The following LRRIQ3 variants were observed in gnomAD, a reference collection of about 807,000 sequenced individuals.
LRRIQ3 encodes leucine-rich repeat and IQ domain-containing protein 3.
A neutral mutation model predicts 59.3 loss-of-function variants in LRRIQ3; 75 were observed. The observed-to-expected ratio is 1.26, with a 90% CI of 1.05 to 1.53. The LOEUF (loss-of-function observed/expected upper bound fraction) is 1.53. Among genes scored for constraint, LRRIQ3 ranks in the 40% most tolerant of loss-of-function variants. The pLI is 0.00. For synonymous variants in LRRIQ3, 250 were observed against 231.3 expected (o/e 1.08, Z -0.73); for missense variants, 831 against 710.0 (o/e 1.17, Z -1.94).
At chr1:74,147,388 C>T (rs771000150) in intron 4 of LRRIQ3, among the ~76,000 whole-genome samples, 4 of 152,056 alleles carry the variant, frequency 2.6e-5, no homozygotes, top group Non-Finnish European at 5.9e-5. Flanking sequence ...TTTGGTCAAC[C>T]ATGAAAGATT....
chr1:74,197,098 T>C (rs1039035852), intron 1 of LRRIQ3, among the ~76,000 whole-genome samples: 13 of 152,222 alleles, frequency 8.5e-5, no homozygotes, highest in Admixed American at 7.2e-4. Context: ...TTTTAATTAA[T>C]GAAGTTTTAA....
intron 6 of LRRIQ3, among the ~76,000 whole-genome samples, chr1:74,054,864 C>T (rs1296128990): frequency 6.9e-6 from 1 of 145,374 alleles, no homozygotes; most frequent in Non-Finnish European, 1.5e-5. Context: ...TATTGATGTG[C>T]AATTATAAAT....
At chr1:74,048,883 T>C (rs942239039) in intron 6 of LRRIQ3, among the ~76,000 whole-genome samples, 3 of 152,114 alleles carry the variant, frequency 2.0e-5, no homozygotes, top group Non-Finnish European at 4.4e-5. Context: ...AAATGCACTA[T>C]CCCAGGGCTC....
intron 4 of LRRIQ3, among the ~76,000 whole-genome samples, chr1:74,133,912 C>T (rs1434048651): frequency 2.6e-5 from 4 of 151,878 alleles, no homozygotes; most frequent in Admixed American, 2.0e-4. Context: ...CTCTACACTT[C>T]CTTATAAGTA....
At chr1:74,186,222 C>T (rs1226659502) in intron 1 of LRRIQ3, among the ~76,000 whole-genome samples, 2 of 151,832 alleles carry the variant, frequency 1.3e-5, no homozygotes, top group African/African-American at 4.8e-5. Flanking sequence ...CTCAACAGTG[C>T]TATTAATCAA....
At position 74,171,609 on chromosome 1, in the gene LRRIQ3, TG is replaced by T. The variant is rs149476423; in HGVS notation, c.573+10928del. On this transcript the variant is annotated intron_variant, in intron 3 of 7. Coordinates refer to ENST00000354431, the MANE Select transcript of LRRIQ3 (RefSeq NM_001105659.2). The stretch of plus-strand genomic sequence containing the variant: ...CACAGATATTGACCTGTAGTTTTCT[TG>T]TGTTGTTTTTGCCTGGCTTTGGTAG... 1.2e-4 allele frequency among the ~76,000 whole-genome samples: 19 copies of T among 152,242 alleles called. No individual in the cohort carries two copies. The East Asian group carries it at 3.7e-3, about 29-fold the overall frequency.
At chr1:74,128,727 T>C (rs1016569558) in intron 4 of LRRIQ3, among the ~76,000 whole-genome samples, 3 of 152,060 alleles carry the variant, frequency 2.0e-5, no homozygotes, top group Non-Finnish European at 4.4e-5. Context: ...AGGTTGTTTG[T>C]ATGTGTGCTT....
chr1:74,167,804 CATAAA>C (rs965885900), intron 3 of LRRIQ3, among the ~76,000 whole-genome samples: 38 of 151,770 alleles, frequency 2.5e-4, no homozygotes, highest in African/African-American at 8.0e-4. Flanking sequence ...CAATTAAAAA[CATAAA>C]ATAAACACAC....
At chr1:74,049,451 A>T (rs1374591075) in intron 6 of LRRIQ3, among the ~76,000 whole-genome samples, 2 of 152,198 alleles carry the variant, frequency 1.3e-5, no homozygotes, top group Non-Finnish European at 2.9e-5. Context: ...GGCCTAGATG[A>T]AAGCAATAAA....
chr1:74,198,166 G>T lies in LRRIQ3; in HGVS notation c.-171C>A. 6.6e-7 allele frequency: 1 copy of T among 1,521,262 alleles called. No homozygotes were observed. Among genetic ancestry groups the T allele is most frequent in the East Asian group, 2.3e-5 (1 of 43,690 alleles). 94.2% of individuals were successfully genotyped at this position (1,521,262 alleles called of 1,614,324 possible). On this transcript the variant is annotated 5_prime_UTR_variant, in exon 1 of 8. Coordinates refer to ENST00000354431, the MANE Select transcript of LRRIQ3 (RefSeq NM_001105659.2). ...TCCGGGCGCCAGCCAAGGCGCTCCGGGGGCGTGGTTACGTGGGCGACGCAC... is the reference window on the plus strand; with the variant it reads ...TCCGGGCGCCAGCCAAGGCGCTCCGTGGGCGTGGTTACGTGGGCGACGCAC...
At chr1:74,193,457 C>A in intron 1 of LRRIQ3, among the ~76,000 whole-genome samples, 1 of 152,110 alleles carries the variant, frequency 6.6e-6, no homozygotes, top group African/African-American at 2.4e-5. Context: ...AGTTATATCT[C>A]ATCTTCACAC....
intron 7 of LRRIQ3, among the ~76,000 whole-genome samples, chr1:74,035,077 C>T (rs1191677495): frequency 6.6e-6 from 1 of 151,894 alleles, no homozygotes; most frequent in African/African-American, 2.4e-5. Context: ...ACTATCTGTG[C>T]CTTTCAATCT....
At chr1:74,117,029 A>G (rs1646787399) in intron 4 of LRRIQ3, among the ~76,000 whole-genome samples, 1 of 152,148 alleles carries the variant, frequency 6.6e-6, no homozygotes, top group South Asian at 2.1e-4. Flanking sequence ...AAACAAAGAA[A>G]GGTATATTAA....
At chr1:74,084,117 T>A in intron 5 of LRRIQ3, 1 of 1,514,324 alleles carries the variant, frequency 6.6e-7, no homozygotes, top group Non-Finnish European at 8.9e-7. Flanking sequence ...CATCCTGTTG[T>A]CCAATGAATG....
chr1:74,183,620 T>C lies in LRRIQ3; in HGVS notation c.65A>G (p.Asn22Ser). Residue 22 changes from asparagine to serine, a missense_variant, in exon 2 of 8, where the codon AAC (asparagine) becomes AGC (serine). By Grantham distance (46) the Asn-to-Ser change is conservative. Transcript: ENST00000354431. ...AAAATCTTTTTGACCTTCTCTTATG[T>C]TTTCATTATAGTGACTCCATTCTTC... ...SHEEWSHYNENIREGQKDFVF... is the reference protein window; with the variant it reads ...SHEEWSHYNESIREGQKDFVF... 1.2e-6 allele frequency: 2 copies of C among 1,611,920 alleles called. No homozygotes were observed. The highest frequency in any genetic ancestry group is 8.5e-7 in the Non-Finnish European group (1 of 1,178,662).
chr1:74,099,191 CA>C (rs761021868), intron 5 of LRRIQ3, among the ~76,000 whole-genome samples: 33 of 152,034 alleles, frequency 2.2e-4, no homozygotes, highest in Non-Finnish European at 4.6e-4. Flanking sequence ...AGACAAGAAT[CA>C]AATAGACACA....
chr1:74,154,166 G>A (rs1365308698), intron 4 of LRRIQ3, among the ~76,000 whole-genome samples: 3 of 139,674 alleles, frequency 2.1e-5, no homozygotes, highest in Admixed American at 8.1e-5. Context: ...GCGTGAACCC[G>A]GAAGTCAGAG....
chr1:74,126,376 G>A (rs536279877), intron 4 of LRRIQ3, among the ~76,000 whole-genome samples: 4 of 151,114 alleles, frequency 2.6e-5, no homozygotes, highest in South Asian at 4.2e-4. Context: ...TCTTTATTAC[G>A]ATCTTGTCTT....
At chr1:74,045,972 G>A (rs967256138) in intron 6 of LRRIQ3, among the ~76,000 whole-genome samples, 3 of 152,136 alleles carry the variant, frequency 2.0e-5, no homozygotes, top group South Asian at 2.1e-4. Context: ...ACAAACAAAC[G>A]GAAAAACATT....
Sources: allele counts gnomAD v4.1 joint callset (sites outside exome capture counted in the v4.1 genomes callset), GRCh38; gene constraint gnomAD v4.1.1; transcripts MANE v1.5; gene names NCBI Gene and HGNC (gene_info 2026-07-23, HGNC 2026-07-21).